Variants in PDGFD observed in about 807,000 individuals in gnomAD.
The protein encoded by PDGFD is platelet derived growth factor D.
In PDGFD, 30 loss-of-function variants were observed where a neutral mutation model predicts 44.7. The ratio of observed to expected loss-of-function variants is 0.67; its 90% CI spans 0.50 to 0.91. The LOEUF is 0.91. PDGFD is among the 40% of genes least tolerant of loss of function. PDGFD has a pLI of 0.00. For missense variants in PDGFD, 445 were observed against 457.8 expected, an observed-to-expected ratio of 0.97 and a Z score of 0.25; for synonymous variants, 173 against 168.4, an observed-to-expected ratio of 1.03 and a Z score of -0.21.
chr11:104,054,858 AGAG>A (rs1372416322), intron 1 of PDGFD, among the ~76,000 whole-genome samples: 1 of 152,182 alleles, frequency 6.6e-6, no homozygotes, highest in Admixed American at 6.5e-5. Flanking sequence ...TCAGCCTCGG[AGAG>A]GAGGAGATAC....
chr11:104,141,379 C>T (rs957327525), intron 1 of PDGFD, among the ~76,000 whole-genome samples: 1 of 149,746 alleles, frequency 6.7e-6, no homozygotes, highest in South Asian at 2.1e-4. Flanking sequence ...AAAATTGGAA[C>T]GATACAGAGA....
At chr11:104,010,698 T>G (rs956564674) in intron 1 of PDGFD, among the ~76,000 whole-genome samples, 1 of 152,128 alleles carries the variant, frequency 6.6e-6, no homozygotes, top group Non-Finnish European at 1.5e-5. Flanking sequence ...TTCATATTAA[T>G]TAATTCTCTG....
intron 1 of PDGFD, among the ~76,000 whole-genome samples, chr11:104,104,872 G>C (rs979531599): frequency 2.6e-5 from 4 of 152,012 alleles, no homozygotes; most frequent in Non-Finnish European, 5.9e-5. Flanking sequence ...ACAGCTGTTT[G>C]TTACCTCAAA....
At chr11:104,128,942 C>T (rs751948887) in intron 1 of PDGFD, among the ~76,000 whole-genome samples, 21 of 152,144 alleles carry the variant, frequency 1.4e-4, no homozygotes, top group South Asian at 8.3e-4. Context: ...AAATTATCCT[C>T]ATGGTGACCT....
At chr11:104,100,095 G>T (rs1256877615) in intron 1 of PDGFD, among the ~76,000 whole-genome samples, 2 of 152,026 alleles carry the variant, frequency 1.3e-5, no homozygotes, top group Non-Finnish European at 2.9e-5. Context: ...GAATGGAAGG[G>T]TTAATCTTTT....
At chr11:104,136,337 A>G (rs568122498) in intron 1 of PDGFD, among the ~76,000 whole-genome samples, 2 of 152,310 alleles carry the variant, frequency 1.3e-5, no homozygotes, top group South Asian at 4.1e-4. Context: ...AACATGACAG[A>G]TTGAACAAGA....
chr11:104,160,704 G>T (rs1004508395), intron 1 of PDGFD, among the ~76,000 whole-genome samples: 1 of 152,140 alleles, frequency 6.6e-6, no homozygotes, highest in African/African-American at 2.4e-5. Flanking sequence ...ATGTTCTCCT[G>T]GAGACGGGCA....
At chr11:103,972,741 A>C (rs1859121924) in intron 3 of PDGFD, among the ~76,000 whole-genome samples, 3 of 152,162 alleles carry the variant, frequency 2.0e-5, no homozygotes, top group African/African-American at 4.8e-5. Flanking sequence ...AATAAGAAAA[A>C]CATTTACCTG....
chr11:103,924,712 C>A (rs566832912), intron 6 of PDGFD, among the ~76,000 whole-genome samples: 102 of 152,118 alleles, frequency 6.7e-4, no homozygotes, highest in Non-Finnish European at 7.9e-4. Context: ...AAATCAAAAC[C>A]AAAACACCAC....
At chr11:103,993,922 C>A (rs1448945366) in intron 3 of PDGFD, among the ~76,000 whole-genome samples, 4 of 151,610 alleles carry the variant, frequency 2.6e-5, no homozygotes, top group African/African-American at 9.7e-5. Context: ...GTAATATCAT[C>A]ATTTCAAAAA....
intron 1 of PDGFD, among the ~76,000 whole-genome samples, chr11:104,132,418 T>C (rs1322206836): frequency 6.6e-6 from 1 of 152,114 alleles, no homozygotes; most frequent in East Asian, 1.9e-4. Flanking sequence ...TACTTCTCTA[T>C]AGTTGGAAAC....
chr11:104,122,388 C>G (rs1310702836), intron 1 of PDGFD, among the ~76,000 whole-genome samples: 1 of 151,968 alleles, frequency 6.6e-6, no homozygotes. Flanking sequence ...TAGTCCTAAC[C>G]AGCTTTTCTT....
intron 5 of PDGFD, among the ~76,000 whole-genome samples, chr11:103,941,944 C>A (rs960423956): frequency 4.6e-5 from 7 of 151,978 alleles, no homozygotes; most frequent in African/African-American, 1.7e-4. Context: ...TACAGAAAAG[C>A]AATTTTTTCT....
chr11:104,066,653 A>G (rs1860794692), intron 1 of PDGFD, among the ~76,000 whole-genome samples: 1 of 152,170 alleles, frequency 6.6e-6, no homozygotes, highest in African/African-American at 2.4e-5. Context: ...AAGAATTTAT[A>G]AAGTAATGTT....
At chr11:104,141,664 T>C (rs757374529) in intron 1 of PDGFD, among the ~76,000 whole-genome samples, 11 of 152,138 alleles carry the variant, frequency 7.2e-5, no homozygotes, top group Non-Finnish European at 1.5e-4. Context: ...ATGTGAGCCC[T>C]AAATGCAATC....
intron 3 of PDGFD, among the ~76,000 whole-genome samples, chr11:103,989,256 G>A (rs1859415751): frequency 6.6e-6 from 1 of 152,156 alleles, no homozygotes; most frequent in Non-Finnish European, 1.5e-5. Flanking sequence ...TGTAATTGGT[G>A]AAATTTTAGA....
chr11:104,033,848 T>C (rs568151364), intron 1 of PDGFD, among the ~76,000 whole-genome samples: 69 of 152,214 alleles, frequency 4.5e-4, no homozygotes, highest in Non-Finnish European at 8.5e-4. Flanking sequence ...AAAGCACTAG[T>C]AATCTCTGAT....
At chr11:103,999,302 A>G (rs1001649237) in intron 2 of PDGFD, among the ~76,000 whole-genome samples, 3 of 149,618 alleles carry the variant, frequency 2.0e-5, no homozygotes, top group Middle Eastern at 3.2e-3. Context: ...TGTGTGCAGT[A>G]AAGTACAAAA....
chr11:104,083,558 A>G (rs971837905), intron 1 of PDGFD, among the ~76,000 whole-genome samples: 6 of 152,210 alleles, frequency 3.9e-5, no homozygotes, highest in African/African-American at 1.2e-4. Context: ...CTAATTGCAC[A>G]GAAAATGTCT....
Sources: allele counts gnomAD v4.1 joint callset (sites outside exome capture counted in the v4.1 genomes callset), GRCh38; gene constraint gnomAD v4.1.1; transcripts MANE v1.5; gene names NCBI Gene and HGNC (gene_info 2026-07-23, HGNC 2026-07-21).